Variants in PSMB3 observed in about 807,000 individuals in gnomAD.
PSMB3 encodes the protein proteasome 20S subunit beta 3, also known as proteasome subunit beta type-3.
Under a neutral mutation model 23.3 loss-of-function variants are expected in PSMB3, and 5 were observed. That is an observed-to-expected ratio of 0.21 (90% confidence interval 0.11 to 0.45). PSMB3 has a LOEUF of 0.45. Among genes scored for constraint, PSMB3 ranks in the 20% least tolerant of loss-of-function variants. The pLI is 0.99. For missense variants in PSMB3, 192 were observed against 277.9 expected (o/e 0.69, Z 2.20); for synonymous variants, 85 against 99.8 (o/e 0.85, Z 0.88).
chr17:38,760,659 T>C, intron 4 of PSMB3, 51 bp downstream of exon 4: 1 of 1,603,648 alleles, frequency 6.2e-7, no homozygotes, highest in Non-Finnish European at 8.5e-7. Context: ...CCACCCTTGG[T>C]CATTAGGAAA....
intron 2 of PSMB3, chr17:38,755,335 A>G (rs1300616334): frequency 6.6e-6 from 1 of 151,376 alleles, no homozygotes; most frequent in African/African-American, 2.4e-5. Context: ...TCTTCCCTGT[A>G]TTATTCCAGT....
At chr17:38,753,435 C>T in intron 2 of PSMB3, 101 bp downstream of exon 2, 1 of 1,258,860 alleles carries the variant, frequency 7.9e-7, no homozygotes, top group Non-Finnish European at 1.1e-6. Context: ...CACACACCAC[C>T]AGTGAGTTTG....
At chr17:38,758,027 C>T (rs1832373352) in intron 3 of PSMB3, among the ~76,000 whole-genome samples, 2 of 152,138 alleles carry the variant, frequency 1.3e-5, no homozygotes, top group South Asian at 4.1e-4. Context: ...TAACACAGCT[C>T]AGGGCCTGTG....
At position 38,752,971 on chromosome 17, in the gene PSMB3, C is replaced by G; in HGVS notation, c.3+142C>G. 2 of 1,359,982 alleles carry G rather than the reference C, an allele frequency of 1.5e-6. No homozygotes were observed. Among genetic ancestry groups the G allele is most frequent in the South Asian group, 1.3e-5 (1 of 76,436 alleles). The allele number at this position is 1,359,982 out of a possible 1,614,324, so 84.2% of individuals were successfully genotyped here. ...GAGGGGAGCGGGCCCCGGTGAGGAC[C>G]AAGAGGGTGAGTGCGGCTCATTGCC... On this transcript the variant is annotated intron_variant, in intron 1 of 5. Transcript: ENST00000619426. This position sits in a 1 kb window ranked among gnomAD's most constrained non-coding sequence, Gnocchi z 5.5.
In PSMB3 at chr17:38,755,962, A is replaced by G. The variant is rs1415950330; in HGVS notation, c.268A>G (p.Met90Val). ...RQIKPYTLMSMVANLLYEKRF... is the reference protein window; with the variant it reads ...RQIKPYTLMSVVANLLYEKRF... The stretch of plus-strand genomic sequence containing the variant: ...GATCAAACCTTATACCCTCATGAGC[A>G]TGGTGGCCAACCTCTTGTATGAGAA... Residue 90 changes from methionine (M) to valine (V), a missense_variant, in exon 3 of 6, where the codon ATG becomes GTG. By Grantham distance (21) the Met-to-Val change is conservative (BLOSUM62 1). Transcript: ENST00000619426. The G allele has an allele frequency of 2.5e-6, 4 of 1,614,014 alleles. No homozygotes were observed. Among genetic ancestry groups the G allele is most frequent in the Non-Finnish European group, 3.4e-6 (4 of 1,179,928 alleles).
intron 3 of PSMB3, among the ~76,000 whole-genome samples, chr17:38,759,579 CTG>C (rs1908348826): frequency 6.7e-6 from 1 of 150,132 alleles, no homozygotes; most frequent in Non-Finnish European, 1.5e-5. Flanking sequence ...GAGTCTCGCT[CTG>C]TCGCTCAGGC....
intron 2 of PSMB3, among the ~76,000 whole-genome samples, 185 bp downstream of exon 2, chr17:38,753,519 CCCAGGCT>C (rs1908031008): frequency 6.6e-6 from 1 of 151,920 alleles, no homozygotes; most frequent in Non-Finnish European, 1.5e-5. Context: ...TGCTCTGTCA[CCCAGGCT>C]GGAGCTCAGT....
intron 2 of PSMB3, among the ~76,000 whole-genome samples, 191 bp from the exon 3 acceptor site, chr17:38,755,680 ATATGTGTGTGTG>A (rs1908155655): frequency 9.7e-6 from 1 of 103,528 alleles, no homozygotes; most frequent in African/African-American, 4.0e-5. Flanking sequence ...ATATATATAT[ATATGTGTGTGTG>A]TGTGTGTGTG....
chr17:38,760,309 TA>T, intron 3 of PSMB3, 121 bp from the exon 4 acceptor site: 1 of 1,082,480 alleles, frequency 9.2e-7, no homozygotes, highest in Non-Finnish European at 1.3e-6. Flanking sequence ...GTGATCTTCC[TA>T]AACAGGTCCT....
chr17:38,760,739 C>T, intron 4 of PSMB3, 131 bp downstream of exon 4: 1 of 1,077,278 alleles, frequency 9.3e-7, no homozygotes, highest in Non-Finnish European at 1.3e-6. Flanking sequence ...GCTGCTGCTC[C>T]TTGGAAGGGT....
Position 38,764,112 on chromosome 17 carries a change from T to A in PSMB3, c.570-7T>A. The A allele has an allele frequency of 6.2e-7, 1 of 1,614,168 alleles. No homozygotes were observed. The highest frequency in any genetic ancestry group is 8.5e-7 in the Non-Finnish European group (1 of 1,180,010). The stretch of plus-strand genomic sequence containing the variant: ...AGATGTTTTCTTGTGATTTTCTCCC[T>A]CTGCAGCGAGAAGGACAAAATCACC... On this transcript the variant is annotated splice_polypyrimidine_tract_variant and splice_region_variant and intron_variant, in intron 5 of 5. Coordinates refer to ENST00000619426, the MANE Select transcript of PSMB3 (RefSeq NM_002795.4).
chr17:38,755,716 G>GT (rs1567643499), intron 2 of PSMB3, among the ~76,000 whole-genome samples, 167 bp from the exon 3 acceptor site: 9 of 95,122 alleles, frequency 9.5e-5, no homozygotes, highest in Non-Finnish European at 1.3e-4. Context: ...GTGTGTGTGT[G>GT]CTGCCAAAGC....
chr17:38,762,365 T>A (rs528376276), intron 4 of PSMB3, 46 bp from the exon 5 acceptor site: 1 of 1,538,574 alleles, frequency 6.5e-7, no homozygotes, highest in East Asian at 2.2e-5. Flanking sequence ...CCAGACCAAA[T>A]CAGAGCCAGA....
chr17:38,753,212 C>G lies in PSMB3; in HGVS notation c.66C>G (p.Ile22Met). The part of the protein sequence containing the change: ...MAMKGKNCVA[I>M]AADRRFGIQA... The stretch of plus-strand genomic sequence containing the variant: ...TGAAGGGGAAGAACTGTGTGGCCAT[C>G]GCTGCAGACAGGCGCTTCGGGATCC... Residue 22 changes from isoleucine to methionine, a missense_variant, in exon 2 of 6, where the codon ATC (isoleucine) becomes ATG (methionine). Ile to Met is a conservative substitution (Grantham distance 10). Coordinates refer to ENST00000619426, the MANE Select transcript of PSMB3 (RefSeq NM_002795.4). 1 of 1,614,234 alleles carries G rather than the reference C, an allele frequency of 6.2e-7. No individual in the cohort carries two copies. Among genetic ancestry groups the G allele is most frequent in the Non-Finnish European group, 8.5e-7 (1 of 1,180,040 alleles).
intron 2 of PSMB3, among the ~76,000 whole-genome samples, chr17:38,754,398 A>G (rs1051762707): frequency 4.6e-5 from 7 of 152,200 alleles, no homozygotes; most frequent in Non-Finnish European, 7.3e-5. Context: ...TGAACCTGAC[A>G]GACGGACGTT....
At position 38,752,979 on chromosome 17, in the gene PSMB3, T is replaced by G; in HGVS notation, c.3+150T>G. The G allele has an allele frequency of 7.5e-7, 1 of 1,325,862 alleles. No homozygotes were observed. Among genetic ancestry groups the G allele is most frequent in the Non-Finnish European group, 1.0e-6 (1 of 959,004 alleles). 82.1% of individuals were successfully genotyped at this position (1,325,862 alleles called of 1,614,324 possible). Reference sequence around the variant, plus strand: ...CGGGCCCCGGTGAGGACCAAGAGGGTGAGTGCGGCTCATTGCCGCCACACA... The same window carrying G: ...CGGGCCCCGGTGAGGACCAAGAGGGGGAGTGCGGCTCATTGCCGCCACACA... On this transcript the variant is annotated intron_variant, in intron 1 of 5. Transcript: ENST00000619426. This position sits in a 1 kb window ranked among gnomAD's most constrained non-coding sequence, Gnocchi z 5.5.
chr17:38,754,360 C>T (rs900252375), intron 2 of PSMB3, among the ~76,000 whole-genome samples: 13 of 152,114 alleles, frequency 8.5e-5, no homozygotes, highest in African/African-American at 3.1e-4. Context: ...ATCCCAGCTA[C>T]TCGGGAGGCT....
chr17:38,763,296 G>T (rs559770614), intron 5 of PSMB3, among the ~76,000 whole-genome samples: 23 of 152,066 alleles, frequency 1.5e-4, no homozygotes, highest in South Asian at 1.2e-3. Flanking sequence ...AGAGGTTGCA[G>T]TTAGTCAAGA....
In PSMB3 at chr17:38,752,815, T is replaced by C. The variant is rs1361054199; in HGVS notation, c.-12T>C. On this transcript the variant is annotated 5_prime_UTR_variant, in exon 1 of 6. Coordinates refer to ENST00000619426, the MANE Select transcript of PSMB3 (RefSeq NM_002795.4). The surrounding 1 kb of genome is among the most constrained non-coding windows in gnomAD (Gnocchi z 5.5). Reference sequence around the variant, plus strand: ...TGCTCTGGCGATCGAGGGATCCTAGTACACCGCAATCATGGTGAGATGGGG... The same window carrying C: ...TGCTCTGGCGATCGAGGGATCCTAGCACACCGCAATCATGGTGAGATGGGG... 3.1e-6 allele frequency: 5 copies of C among 1,613,908 alleles called. No homozygotes were observed. Among genetic ancestry groups the C allele is most frequent in the African/African-American group, 2.7e-5 (2 of 74,882 alleles).
Sources: allele counts gnomAD v4.1 joint callset (sites outside exome capture counted in the v4.1 genomes callset), GRCh38; gene constraint gnomAD v4.1.1; non-coding constraint Gnocchi (gnomAD v3.1); transcripts MANE v1.5; gene names NCBI Gene and HGNC (gene_info 2026-07-23, HGNC 2026-07-21).